The following FHIT variants were observed in gnomAD, a reference collection of about 807,000 sequenced individuals.
The protein encoded by FHIT is fragile histidine triad diadenosine triphosphatase, also known as bis(5'-adenosyl)-triphosphatase.
Under a neutral mutation model 17.9 loss-of-function variants are expected in FHIT, and 19 were observed. The ratio of observed to expected loss-of-function variants is 1.06; its 90% CI spans 0.74 to 1.56. FHIT has a LOEUF of 1.56. FHIT is among the 40% of genes most tolerant of loss of function. FHIT has a pLI of 0.00. For synonymous variants in FHIT, 81 were observed against 69.7 expected, an observed-to-expected ratio of 1.16 and a Z score of -0.81; for missense variants, 248 against 189.2, an observed-to-expected ratio of 1.31 and a Z score of -1.82.
intron 2 of FHIT, among the ~76,000 whole-genome samples, chr3:61,179,337 G>T (rs9871663): frequency 6.6e-6 from 1 of 151,932 alleles, no homozygotes; most frequent in African/African-American, 2.4e-5. Context: ...AACACAAAAA[G>T]ATCATTCCGA....
At chr3:60,198,725 T>C (rs1303328511) in intron 5 of FHIT, among the ~76,000 whole-genome samples, 1 of 152,304 alleles carries the variant, frequency 6.6e-6, no homozygotes, top group African/African-American at 2.4e-5. Context: ...TACCATTTTC[T>C]ACCTAGCCAA....
Position 59,747,638 on chromosome 3 carries a change from G to A in FHIT, c.*1947C>T, listed in dbSNP as rs370754652. Among the ~76,000 whole-genome samples the A allele has an allele frequency of 1.6e-4, 24 of 152,262 alleles. 1 individual carries two copies. The highest frequency in any genetic ancestry group is 1.2e-3 in the South Asian group (6 of 4,828). On this transcript the variant is annotated 3_prime_UTR_variant, in exon 10 of 10. Transcript: ENST00000492590. ...ATATAGGGCATCTCTGGATATAGGT[G>A]TTCACATTCTTCTTTGCAACCTGTT...
chr3:60,619,267 AC>A (rs2039044766), intron 4 of FHIT, among the ~76,000 whole-genome samples: 1 of 152,204 alleles, frequency 6.6e-6, no homozygotes, highest in Non-Finnish European at 1.5e-5. Context: ...CGCATAAAAA[AC>A]TAAATGTGAA....
At chr3:59,840,528 G>C (rs1701495827) in intron 8 of FHIT, among the ~76,000 whole-genome samples, 1 of 152,094 alleles carries the variant, frequency 6.6e-6, no homozygotes, top group Non-Finnish European at 1.5e-5. Context: ...CCCTTCTGTA[G>C]GAGATTTCTT....
intron 7 of FHIT, among the ~76,000 whole-genome samples, chr3:59,976,400 C>CACAA (rs577761513): frequency 3.3e-5 from 5 of 151,948 alleles, no homozygotes; most frequent in Non-Finnish European, 5.9e-5. Context: ...ATACAAAAAA[C>CACAA]ACAAACAAAC....
chr3:61,134,902 C>T (rs114629004), intron 2 of FHIT, among the ~76,000 whole-genome samples: 231 of 152,246 alleles, frequency 1.5e-3, no homozygotes, highest in African/African-American at 5.3e-3. Context: ...CTGAGAGTAG[C>T]CTCTGAGGGC....
At chr3:60,467,837 T>C (rs563422737) in intron 5 of FHIT, among the ~76,000 whole-genome samples, 3 of 152,274 alleles carry the variant, frequency 2.0e-5, no homozygotes, top group Admixed American at 6.5e-5. Context: ...ATTTGGTCTG[T>C]ACTGCAGATT....
chr3:59,924,110 G>C (rs1705541726), intron 7 of FHIT, among the ~76,000 whole-genome samples: 1 of 152,176 alleles, frequency 6.6e-6, no homozygotes, highest in African/African-American at 2.4e-5. Flanking sequence ...GAGAAAGCCA[G>C]GCAGGTGGGC....
chr3:60,726,993 T>C (rs1192632634), intron 4 of FHIT, among the ~76,000 whole-genome samples: 1 of 152,220 alleles, frequency 6.6e-6, no homozygotes, highest in African/African-American at 2.4e-5. Context: ...AATAACTTTA[T>C]ACACCAAATA....
chr3:60,773,536 T>C (rs9830298), intron 4 of FHIT, among the ~76,000 whole-genome samples: 6,582 of 152,316 alleles, frequency 0.043, 468 homozygotes, highest in African/African-American at 0.15. Flanking sequence ...CTGTTTTTTT[T>C]CTATGTCTTC....
At chr3:60,012,699 C>A (rs948789635) in intron 6 of FHIT, among the ~76,000 whole-genome samples, 10 of 152,042 alleles carry the variant, frequency 6.6e-5, no homozygotes, top group African/African-American at 2.4e-4. Flanking sequence ...TCAGGGGAGA[C>A]AGGCATGATT....
chr3:60,944,151 T>A (rs554694975), intron 3 of FHIT, among the ~76,000 whole-genome samples: 2 of 152,316 alleles, frequency 1.3e-5, no homozygotes, highest in Admixed American at 6.5e-5. Context: ...TTAAGAAATT[T>A]GAACTTTACC....
chr3:59,917,079 T>C (rs74527002), intron 8 of FHIT, among the ~76,000 whole-genome samples: 3,569 of 152,324 alleles, frequency 0.023, 67 homozygotes, highest in Non-Finnish European at 0.034. Context: ...CAACAACAAA[T>C]ATCATCAGCA....
chr3:60,086,160 G>A (rs941491940), intron 5 of FHIT, among the ~76,000 whole-genome samples: 2 of 152,052 alleles, frequency 1.3e-5, no homozygotes, highest in African/African-American at 2.4e-5. Context: ...AAAAGGGTGG[G>A]GGGATGCCAG....
chr3:60,368,772 T>C (rs186473875), intron 5 of FHIT, among the ~76,000 whole-genome samples: 1 of 152,276 alleles, frequency 6.6e-6, no homozygotes, highest in East Asian at 1.9e-4. Flanking sequence ...ATTTTTTCTC[T>C]AATTTGTTAT....
chr3:60,284,107 G>T lies in FHIT; in HGVS notation c.103+252753C>A, dbSNP rs530669526. ...AGGTTTAGTAGAAAATATTCAATAAGAAGGAAGAAGAACAGTATATATTAC... is the reference window on the plus strand; with the variant it reads ...AGGTTTAGTAGAAAATATTCAATAATAAGGAAGAAGAACAGTATATATTAC... On this transcript the variant is annotated intron_variant, in intron 5 of 9. Transcript: ENST00000492590. 2.0e-5 allele frequency among the ~76,000 whole-genome samples: 3 copies of T among 152,108 alleles called. No individual in the cohort carries two copies. The East Asian group carries it at 5.8e-4, about 30-fold the overall frequency.
chr3:60,434,596 G>T (rs2030041007), intron 5 of FHIT, among the ~76,000 whole-genome samples: 1 of 152,028 alleles, frequency 6.6e-6, no homozygotes, highest in Non-Finnish European at 1.5e-5. Context: ...ACATTACCTT[G>T]TCTCTATTTC....
At chr3:59,780,675 A>G (rs1191660784) in intron 8 of FHIT, among the ~76,000 whole-genome samples, 1 of 152,214 alleles carries the variant, frequency 6.6e-6, no homozygotes, top group Non-Finnish European at 1.5e-5. Flanking sequence ...TTATAAGGAC[A>G]TGAAGGACCA....
intron 5 of FHIT, among the ~76,000 whole-genome samples, chr3:60,203,947 G>C (rs534972724): frequency 5.9e-5 from 9 of 152,228 alleles, no homozygotes; most frequent in Admixed American, 5.9e-4. Context: ...GCTGGGAAGG[G>C]TCATGGGGAG....
Sources: allele counts gnomAD v4.1 joint callset (sites outside exome capture counted in the v4.1 genomes callset), GRCh38; gene constraint gnomAD v4.1.1; transcripts MANE v1.5; gene names NCBI Gene and HGNC (gene_info 2026-07-23, HGNC 2026-07-21).